CCDC25: variants seen among roughly 807,000 people sequenced by gnomAD.
The protein encoded by CCDC25 is coiled-coil domain-containing protein 25.
CCDC25 carries 16 observed loss-of-function variants against 35.3 expected under a neutral mutation model. The observed-to-expected ratio is 0.45, with a 90% CI of 0.31 to 0.69. The LOEUF (loss-of-function observed/expected upper bound fraction) is 0.69, where lower values mean the gene tolerates loss of function less well. Ranked by LOEUF, CCDC25 falls within the 30% of genes least tolerant of loss-of-function variation. CCDC25 has a pLI of 0.06. For missense variants in CCDC25, 179 were observed against 250.7 expected, an observed-to-expected ratio of 0.71 and a Z score of 1.93; for synonymous variants, 79 against 80.3, an observed-to-expected ratio of 0.98 and a Z score of 0.09.
chr8:27,739,304 TAAG>T (rs542846068), intron 8 of CCDC25, among the ~76,000 whole-genome samples: 1 of 152,242 alleles, frequency 6.6e-6, no homozygotes, highest in Non-Finnish European at 1.5e-5. Context: ...GAGATGGGAA[TAAG>T]AATGTTGTTC....
Position 27,748,213 on chromosome 8 carries a change from C to G in CCDC25, c.415G>C (p.Glu139Gln). 6.2e-7 allele frequency: 1 copy of G among 1,613,968 alleles called. No individual in the cohort carries two copies. The highest frequency in any genetic ancestry group is 1.1e-5 in the South Asian group (1 of 91,072). The change falls in exon 7 of 9, where the codon GAG (glutamate) becomes CAG (glutamine). Residue 139 changes from glutamate to glutamine, a missense_variant. By Grantham distance (29) the Glu-to-Gln change is conservative (BLOSUM62 2). Coordinates refer to ENST00000356537, the MANE Select transcript of CCDC25 (RefSeq NM_018246.3). ...TCTGCTGCTAGGTCTGGGAACCGCT[C>G]GACTTTGGTCTTTTCTAATCGGTTC... Reference protein sequence around the residue: ...ILNRLEKTKVERFPDLAAEKE... With the variant: ...ILNRLEKTKVQRFPDLAAEKE...
chr8:27,771,845 G>A (rs1273533004), intron 1 of CCDC25: 1 of 152,212 alleles, frequency 6.6e-6, no homozygotes, highest in Non-Finnish European at 1.5e-5. Flanking sequence ...TTGATTTTAG[G>A]AAAGGGGAAT....
intron 5 of CCDC25, among the ~76,000 whole-genome samples, chr8:27,749,001 C>T (rs1002034100): frequency 6.6e-6 from 1 of 152,178 alleles, no homozygotes; most frequent in Non-Finnish European, 1.5e-5. Flanking sequence ...GCCCTGGACT[C>T]TATCCGGGAC....
intron 2 of CCDC25, among the ~76,000 whole-genome samples, chr8:27,763,565 G>A (rs1004906911): frequency 3.3e-5 from 5 of 151,936 alleles, no homozygotes; most frequent in Admixed American, 6.6e-5. Context: ...TAAAATTACA[G>A]AAATTAGCCA....
At chr8:27,772,117 C>A in intron 1 of CCDC25, 1 of 231,024 alleles carries the variant, frequency 4.3e-6, no homozygotes, top group Non-Finnish European at 8.5e-6. Flanking sequence ...TGTCTCCTTT[C>A]TCACAGGGGA....
At chr8:27,754,696 C>G (rs1466265045) in intron 4 of CCDC25, 1 of 152,190 alleles carries the variant, frequency 6.6e-6, no homozygotes, top group Non-Finnish European at 1.5e-5. Context: ...CAGGGTCTCC[C>G]TATGATGCCC....
intron 5 of CCDC25, among the ~76,000 whole-genome samples, chr8:27,751,771 C>G (rs1472552761): frequency 6.6e-6 from 1 of 152,188 alleles, no homozygotes; most frequent in Non-Finnish European, 1.5e-5. Flanking sequence ...TAATAATCAT[C>G]CTTCTTGACC....
In CCDC25 at chr8:27,736,123, G is replaced by C; in HGVS notation, c.*93C>G. On this transcript the variant is annotated 3_prime_UTR_variant, in exon 9 of 9. Coordinates refer to ENST00000356537, the MANE Select transcript of CCDC25 (RefSeq NM_018246.3). ...GTAGGATGAAGGTAGAATTTTGGTT[G>C]TATTTTATATTTCAGAACACAGATG... 2 of 1,207,934 alleles carry C rather than the reference G, an allele frequency of 1.7e-6. No homozygotes were observed. The highest frequency in any genetic ancestry group is 2.6e-4 in the Middle Eastern group (1 of 3,850). 74.8% of individuals were successfully genotyped at this position (1,207,934 alleles called of 1,614,324 possible).
chr8:27,749,030 C>T (rs557757178), intron 5 of CCDC25, among the ~76,000 whole-genome samples: 2 of 152,158 alleles, frequency 1.3e-5, no homozygotes, highest in African/African-American at 4.8e-5. Context: ...GCTAGCCGAG[C>T]CTCTCTGGAG....
chr8:27,771,646 G>C (rs1804621435), intron 1 of CCDC25, among the ~76,000 whole-genome samples: 1 of 152,030 alleles, frequency 6.6e-6, no homozygotes, highest in African/African-American at 2.4e-5. Context: ...CGCCCTCAAG[G>C]GACTTACACT....
intron 7 of CCDC25, among the ~76,000 whole-genome samples, chr8:27,742,168 A>G (rs1286953626): frequency 6.6e-6 from 1 of 152,230 alleles, no homozygotes; most frequent in Non-Finnish European, 1.5e-5. Context: ...TGAGATACCC[A>G]AGTAAATATG....
intron 5 of CCDC25, 91 bp downstream of exon 5, chr8:27,752,421 C>A: frequency 1.0e-6 from 1 of 998,214 alleles, no homozygotes; most frequent in Non-Finnish European, 1.6e-6. Context: ...TGATGGAGGC[C>A]AAAGTCAACA....
chr8:27,761,736 A>G (rs1486838795), intron 3 of CCDC25, among the ~76,000 whole-genome samples: 1 of 152,208 alleles, frequency 6.6e-6, no homozygotes, highest in Non-Finnish European at 1.5e-5. Flanking sequence ...CCATGTATTC[A>G]TAAAAGGCCC....
chr8:27,752,637 C>T (rs1453288734), intron 4 of CCDC25, 50 bp from the exon 5 acceptor site: 13 of 1,399,534 alleles, frequency 9.3e-6, no homozygotes, highest in Non-Finnish European at 1.3e-5. Context: ...TATCCATTGA[C>T]ACTGGAGCAC....
At chr8:27,742,963 A>T (rs965046187) in intron 7 of CCDC25, among the ~76,000 whole-genome samples, 10 of 152,198 alleles carry the variant, frequency 6.6e-5, no homozygotes, top group African/African-American at 2.4e-4. Flanking sequence ...CCTCCCTGAC[A>T]TCTTTTTGGA....
rs751077565 is a variant in CCDC25, at chr8:27,748,121, T to C, written c.507A>G (p.Arg169=). Residue 169 remains arginine (R), a synonymous_variant, in exon 7 of 9, where the codon AGA becomes AGG. Transcript: ENST00000356537. ...TCTTCTTCTTCATTTCTTCTTTTTCTCTCTTTTTCATTTCCTGAATTTGGG... is the reference window on the plus strand; with the variant it reads ...TCTTCTTCTTCATTTCTTCTTTTTCCCTCTTTTTCATTTCCTGAATTTGGG... ...KKAQIQEMKK[R]EKEEMKKKRE... 34 of 1,612,844 alleles carry C rather than the reference T, an allele frequency of 2.1e-5. No homozygotes were observed. In the South Asian group the frequency reaches 3.7e-4, roughly 18 times the overall value.
At chr8:27,750,970 C>T (rs1803780799) in intron 5 of CCDC25, among the ~76,000 whole-genome samples, 1 of 152,192 alleles carries the variant, frequency 6.6e-6, no homozygotes, top group African/African-American at 2.4e-5. Flanking sequence ...TTCTCCACTC[C>T]TCGGCACATA....
chr8:27,742,964 TC>T (rs1186857395), intron 7 of CCDC25, among the ~76,000 whole-genome samples: 1 of 152,222 alleles, frequency 6.6e-6, no homozygotes, highest in African/African-American at 2.4e-5. Flanking sequence ...CTCCCTGACA[TC>T]TTTTTGGAGA....
rs1803167439 is a variant in CCDC25 at position 27,734,956 on chromosome 8, G to C, written c.*1260C>G. ...CTGTCAGACTGAGCCTATGATGAAT[G>C]AGGTTTTTTAGAGCAAGATCACCCT... On this transcript the variant is annotated 3_prime_UTR_variant, in exon 9 of 9. Transcript: ENST00000356537. The C allele has an allele frequency of 1.3e-5, 2 of 152,186 alleles. No homozygotes were observed. Among genetic ancestry groups the C allele is most frequent in the Admixed American group, 1.3e-4 (2 of 15,280 alleles). The allele number at this position is 152,186 out of a possible 1,614,324, so 9.4% of individuals were successfully genotyped here.
Sources: allele counts gnomAD v4.1 joint callset (sites outside exome capture counted in the v4.1 genomes callset), GRCh38; gene constraint gnomAD v4.1.1; transcripts MANE v1.5; gene names NCBI Gene and HGNC (gene_info 2026-07-23, HGNC 2026-07-21).